ZDHHC3: variants seen among roughly 807,000 people sequenced by gnomAD.
ZDHHC3 encodes the protein zDHHC palmitoyltransferase 3.
ZDHHC3 carries 9 observed loss-of-function variants against 30.6 expected under a neutral mutation model. That is an observed-to-expected ratio of 0.29 (90% CI 0.18 to 0.51). The LOEUF (loss-of-function observed/expected upper bound fraction) is 0.51. Among genes scored for constraint, ZDHHC3 ranks in the 20% least tolerant of loss-of-function variants. ZDHHC3 has a pLI of 0.97. For synonymous variants in ZDHHC3, 136 were observed against 140.2 expected (o/e 0.97, Z 0.21); for missense variants, 246 against 384.2 (o/e 0.64, Z 3.01).
At chr3:44,936,501 C>T (rs1701973628) in intron 3 of ZDHHC3, among the ~76,000 whole-genome samples, 1 of 152,238 alleles carries the variant, frequency 6.6e-6, no homozygotes, top group South Asian at 2.1e-4. Flanking sequence ...AATCCCATTA[C>T]TGGATACATA....
chr3:44,922,086 G>A lies in ZDHHC3; in HGVS notation c.*4603C>T. On this transcript the variant is annotated 3_prime_UTR_variant, in exon 7 of 7. Coordinates refer to ENST00000424952, the MANE Select transcript of ZDHHC3 (RefSeq NM_001135179.2). ...TGAGGGAGAGGGTGAGAAAAAGAAG[G>A]TTCAGGTTGGGAGTACGCTGGTCAG... The A allele has an allele frequency of 1.0e-6, 1 of 985,432 alleles. No individual in the cohort carries two copies. The highest frequency in any genetic ancestry group is 1.2e-6 in the Non-Finnish European group (1 of 829,936). The allele number at this position is 985,432 out of a possible 1,614,324, so 61.0% of individuals were successfully genotyped here.
chr3:44,921,299 C>T lies in ZDHHC3; in HGVS notation c.*5390G>A. The T allele has an allele frequency of 1.0e-5, 10 of 985,416 alleles. No individual in the cohort carries two copies. Among genetic ancestry groups the T allele is most frequent in the Non-Finnish European group, 1.2e-5 (10 of 829,926 alleles). The allele number at this position is 985,416 out of a possible 1,614,324, so 61.0% of individuals were successfully genotyped here. ...ACGAGAACAGGCTGTTCCCTGCTCCCTGTATCATCAGATGTAGAAAGCCAG... is the reference window on the plus strand; with the variant it reads ...ACGAGAACAGGCTGTTCCCTGCTCCTTGTATCATCAGATGTAGAAAGCCAG... On this transcript the variant is annotated 3_prime_UTR_variant, in exon 7 of 7. Coordinates refer to ENST00000424952, the MANE Select transcript of ZDHHC3 (RefSeq NM_001135179.2).
At chr3:44,973,775 G>C (rs1705616735) in intron 1 of ZDHHC3, among the ~76,000 whole-genome samples, 1 of 152,212 alleles carries the variant, frequency 6.6e-6, no homozygotes, top group Non-Finnish European at 1.5e-5. Context: ...TCTTTATAAA[G>C]TGCTTAGAAC....
intron 5 of ZDHHC3, among the ~76,000 whole-genome samples, chr3:44,932,587 C>G (rs1359171333): frequency 6.6e-6 from 1 of 152,110 alleles, no homozygotes; most frequent in Admixed American, 6.6e-5. Flanking sequence ...CAGTGGGAAG[C>G]CTCTAAAGCA....
At chr3:44,945,691 T>C (rs543574974) in intron 2 of ZDHHC3, among the ~76,000 whole-genome samples, 1 of 151,880 alleles carries the variant, frequency 6.6e-6, no homozygotes, top group South Asian at 2.1e-4. Context: ...CCGAGTAGCT[T>C]GGATTATAGG....
At position 44,918,238 on chromosome 3, in the gene ZDHHC3, G is replaced by A. The variant is rs895528093; in HGVS notation, c.*8451C>T. The A allele has an allele frequency of 1.2e-4, 151 of 1,215,762 alleles. 1 individual carries two copies. The African/African-American group carries it at 2.0e-3, about 16-fold the overall frequency. 75.3% of individuals were successfully genotyped at this position (1,215,762 alleles called of 1,614,324 possible). On this transcript the variant is annotated 3_prime_UTR_variant, in exon 7 of 7. Coordinates refer to ENST00000424952, the MANE Select transcript of ZDHHC3 (RefSeq NM_001135179.2). ...CAGCTATAGCATAGCAGTGGCGGGG[G>A]GGGGGGCGGGGTGTCCACGGCATGG... is the stretch of plus-strand genomic sequence containing the variant.
intron 6 of ZDHHC3, among the ~76,000 whole-genome samples, chr3:44,928,096 A>G (rs1701157660): frequency 1.3e-5 from 2 of 152,198 alleles, no homozygotes; most frequent in South Asian, 2.1e-4. Flanking sequence ...AAGAATCCCC[A>G]TCGGGTTCCC....
At position 44,976,155 on chromosome 3, in the gene ZDHHC3, G is replaced by C; in HGVS notation, c.-247C>G. 3 of 822,742 alleles carry C rather than the reference G, an allele frequency of 3.6e-6. No individual in the cohort carries two copies. The highest frequency in any genetic ancestry group is 5.1e-6 in the Non-Finnish European group (3 of 593,062). 51.0% of individuals were successfully genotyped at this position (822,742 alleles called of 1,614,324 possible). ...GCAGTGGCGGCGGCCGCGGCTGCAG[G>C]AGCGGCCGCCGCGCAGGTTGATGAC... On this transcript the variant is annotated 5_prime_UTR_variant, in exon 1 of 7. Coordinates refer to ENST00000424952, the MANE Select transcript of ZDHHC3 (RefSeq NM_001135179.2).
At position 44,921,623 on chromosome 3, in the gene ZDHHC3, C is replaced by A. The variant is rs1237967392; in HGVS notation, c.*5066G>T. 1 of 984,840 alleles carries A rather than the reference C, an allele frequency of 1.0e-6. No homozygotes were observed. Among genetic ancestry groups the A allele is most frequent in the East Asian group, 1.1e-4 (1 of 8,834 alleles). The allele number at this position is 984,840 out of a possible 1,614,324, so 61.0% of individuals were successfully genotyped here. On this transcript the variant is annotated 3_prime_UTR_variant, in exon 7 of 7. Coordinates refer to ENST00000424952, the MANE Select transcript of ZDHHC3 (RefSeq NM_001135179.2). ...CACAGCTAACATTTATAAAGCCATA[C>A]CAGGGCCAGACGCTATACATTCCTA...
chr3:44,935,407 C>T (rs1701871429), intron 3 of ZDHHC3, among the ~76,000 whole-genome samples: 1 of 152,176 alleles, frequency 6.6e-6, no homozygotes, highest in Admixed American at 6.5e-5. Flanking sequence ...ACAGCTGGGA[C>T]CACAGGTGCA....
At chr3:44,945,457 A>G (rs1559688158) in intron 2 of ZDHHC3, 165 bp from the exon 3 acceptor site, 2 of 1,050,902 alleles carry the variant, frequency 1.9e-6, no homozygotes, top group Non-Finnish European at 2.7e-6. Context: ...TGCCAACATT[A>G]AGGAATATTT....
At chr3:44,935,361 C>T (rs1192586582) in intron 3 of ZDHHC3, among the ~76,000 whole-genome samples, 1 of 152,166 alleles carries the variant, frequency 6.6e-6, no homozygotes, top group East Asian at 1.9e-4. Context: ...CTGCAACTTC[C>T]CGGGTTCCAG....
At position 44,919,508 on chromosome 3, in the gene ZDHHC3, T is replaced by C. The variant is rs1242928623; in HGVS notation, c.*7181A>G. 1.3e-5 allele frequency among the ~76,000 whole-genome samples: 2 copies of C among 152,220 alleles called. No individual in the cohort carries two copies. Among genetic ancestry groups the C allele is most frequent in the East Asian group, 3.8e-4 (2 of 5,200 alleles). The stretch of plus-strand genomic sequence containing the variant: ...AATGTACACTTTAAAATGGCTAATT[T>C]TGTGTTACAGGAATTTCACCTCGAT... On this transcript the variant is annotated 3_prime_UTR_variant, in exon 7 of 7. Coordinates refer to ENST00000424952, the MANE Select transcript of ZDHHC3 (RefSeq NM_001135179.2).
Position 44,945,290 on chromosome 3 carries a change from C to A in ZDHHC3, c.309G>T (p.Gly103=), listed in dbSNP as rs765462592. The change falls in exon 3 of 7, where the codon GGG becomes GGT. Residue 103 remains glycine, a splice_region_variant and synonymous_variant. Coordinates refer to ENST00000424952, the MANE Select transcript of ZDHHC3 (RefSeq NM_001135179.2). ...SHCRAMLTDP[G]AVPKGNATKE... ...TAGTGGCATTTCCTTTGGGCACTGC[C>A]CCCTGTAGGAAAGATGAAAGGTATC... 1 of 1,614,128 alleles carries A rather than the reference C, an allele frequency of 6.2e-7. No individual in the cohort carries two copies. The highest frequency in any genetic ancestry group is 8.5e-7 in the Non-Finnish European group (1 of 1,180,022).
intron 1 of ZDHHC3, among the ~76,000 whole-genome samples, chr3:44,961,801 A>C (rs1704504048): frequency 6.6e-6 from 1 of 152,222 alleles, no homozygotes; most frequent in Non-Finnish European, 1.5e-5. Context: ...GTGTTCTCAC[A>C]ATTACTATTT....
intron 1 of ZDHHC3, among the ~76,000 whole-genome samples, chr3:44,973,611 A>AC (rs1224947286): frequency 6.6e-6 from 1 of 152,114 alleles, no homozygotes; most frequent in Admixed American, 6.5e-5. Flanking sequence ...GGCATGCGCC[A>AC]CCATGCCCGG....
chr3:44,933,600 T>C (rs530420461), intron 4 of ZDHHC3, among the ~76,000 whole-genome samples: 2 of 152,218 alleles, frequency 1.3e-5, no homozygotes, highest in Non-Finnish European at 2.9e-5. Flanking sequence ...TTTGAGGTCA[T>C]CACCCAAACT....
At position 44,945,305 on chromosome 3, in the gene ZDHHC3, T is replaced by C. The variant is rs369349106; in HGVS notation, c.307-13A>G. 2 of 1,614,174 alleles carry C rather than the reference T, an allele frequency of 1.2e-6. No homozygotes were observed. The highest frequency in any genetic ancestry group is 1.7e-6 in the Non-Finnish European group (2 of 1,180,022). ...TGGGCACTGCCCCCTGTAGGAAAGA[T>C]GAAAGGTATCAGGGTTGGGCTGGGG... On this transcript the variant is annotated splice_polypyrimidine_tract_variant and intron_variant, in intron 2 of 6. Coordinates refer to ENST00000424952, the MANE Select transcript of ZDHHC3 (RefSeq NM_001135179.2).
chr3:44,950,543 C>T (rs895198400), intron 2 of ZDHHC3, among the ~76,000 whole-genome samples: 1 of 152,142 alleles, frequency 6.6e-6, no homozygotes, highest in African/African-American at 2.4e-5. Flanking sequence ...AATGAGACTC[C>T]ATTTGCATAA....
Sources: allele counts gnomAD v4.1 joint callset (sites outside exome capture counted in the v4.1 genomes callset), GRCh38; gene constraint gnomAD v4.1.1; transcripts MANE v1.5; gene names NCBI Gene and HGNC (gene_info 2026-07-23, HGNC 2026-07-21).